The following CDH9 variants were observed in gnomAD, a reference collection of about 807,000 sequenced individuals.
CDH9 encodes the protein cadherin-9.
Under a neutral mutation model 70.9 loss-of-function variants are expected in CDH9, and 28 were observed. The observed-to-expected ratio is 0.40, with a 90% CI of 0.29 to 0.54. The LOEUF is 0.54. Ranked by LOEUF, CDH9 falls within the 20% of genes least tolerant of loss-of-function variation. The pLI, the probability that CDH9 is intolerant of heterozygous loss-of-function variation, is 0.59. For missense variants in CDH9, 874 were observed against 984.4 expected, an observed-to-expected ratio of 0.89 and a Z score of 1.50; for synonymous variants, 409 against 343.1, an observed-to-expected ratio of 1.19 and a Z score of -2.12.
In CDH9 at chr5:26,977,630, T is replaced by C. The variant is rs76542289; in HGVS notation, c.228+10476A>G. 1.7e-3 allele frequency among the ~76,000 whole-genome samples: 262 copies of C among 152,044 alleles called. 10 individuals carry two copies. The East Asian group carries it at 0.048, about 28-fold the overall frequency. Reference sequence around the variant, plus strand: ...TTCATTTCATGTGTCATGTAAAATATGAAGTTTAAGAATTAAGGGTCAGGA... The same window carrying C: ...TTCATTTCATGTGTCATGTAAAATACGAAGTTTAAGAATTAAGGGTCAGGA... On this transcript the variant is annotated intron_variant, in intron 2 of 11. Transcript: ENST00000231021.
intron 3 of CDH9, among the ~76,000 whole-genome samples, chr5:26,914,769 A>G (rs1741119432): frequency 6.6e-6 from 1 of 152,062 alleles, no homozygotes; most frequent in Non-Finnish European, 1.5e-5. Flanking sequence ...AAAATCATAC[A>G]CTGAAAACTG....
Position 26,988,150 on chromosome 5 carries a change from A to T in CDH9, c.184T>A (p.Leu62Ile). The stretch of plus-strand genomic sequence containing the variant: ...TCAGTACCTGTGTACTCTTCCAATA[A>T]GAAGAACTGATTCCACATCCAGCCA... ...KRGWMWNQFF[L>I]LEEYTGTDTQ... Residue 62 changes from leucine to isoleucine, a missense_variant, in exon 2 of 12, where the codon TTA becomes ATA. Leu to Ile is a conservative substitution (Grantham distance 5). Coordinates refer to ENST00000231021, the MANE Select transcript of CDH9 (RefSeq NM_016279.4). 3.7e-6 allele frequency: 6 copies of T among 1,613,218 alleles called. No homozygotes were observed. The highest frequency in any genetic ancestry group is 5.1e-6 in the Non-Finnish European group (6 of 1,179,486).
chr5:27,015,670 G>T (rs967453165), intron 1 of CDH9, among the ~76,000 whole-genome samples: 1 of 151,670 alleles, frequency 6.6e-6, no homozygotes, highest in Admixed American at 6.6e-5. Context: ...TATTAATAAT[G>T]ATTCCCAGAA....
intron 2 of CDH9, among the ~76,000 whole-genome samples, chr5:26,978,002 A>G (rs1316349551): frequency 6.6e-6 from 1 of 152,064 alleles, no homozygotes; most frequent in East Asian, 1.9e-4. Flanking sequence ...AAATTTCTAA[A>G]ACCAAACCTA....
At chr5:26,927,100 C>A (rs1163355819) in intron 2 of CDH9, among the ~76,000 whole-genome samples, 2 of 151,870 alleles carry the variant, frequency 1.3e-5, no homozygotes, top group African/African-American at 4.8e-5. Flanking sequence ...TGGTTCAGCA[C>A]ATGCAACCCC....
intron 1 of CDH9, among the ~76,000 whole-genome samples, chr5:27,036,881 G>C (rs140415064): frequency 6.6e-6 from 1 of 152,010 alleles, no homozygotes; most frequent in African/African-American, 2.4e-5. Flanking sequence ...ACAAACACAT[G>C]CTATTTATGT....
chr5:27,020,356 T>C (rs1159796696), intron 1 of CDH9, among the ~76,000 whole-genome samples: 3 of 151,646 alleles, frequency 2.0e-5, no homozygotes, highest in African/African-American at 7.2e-5. Context: ...ACTTCTTTTT[T>C]TCTGGAAACC....
At chr5:27,005,047 G>T (rs764969116) in intron 1 of CDH9, among the ~76,000 whole-genome samples, 14 of 152,082 alleles carry the variant, frequency 9.2e-5, no homozygotes, top group Admixed American at 3.9e-4. Context: ...GGGGAAAAAG[G>T]CACAGACATG....
chr5:26,991,922 T>C (rs1742585530), intron 1 of CDH9, among the ~76,000 whole-genome samples: 2 of 152,122 alleles, frequency 1.3e-5, no homozygotes, highest in Non-Finnish European at 1.5e-5. Flanking sequence ...TGGGCATAAT[T>C]AAAAATAGGG....
chr5:26,964,457 CG>C (rs1172510238), intron 2 of CDH9, among the ~76,000 whole-genome samples: 1 of 152,012 alleles, frequency 6.6e-6, no homozygotes, highest in Non-Finnish European at 1.5e-5. Context: ...TTAAGTGTGT[CG>C]ATTGACTGGT....
At chr5:26,986,505 T>A (rs944114961) in intron 2 of CDH9, among the ~76,000 whole-genome samples, 2 of 152,108 alleles carry the variant, frequency 1.3e-5, no homozygotes, top group African/African-American at 4.8e-5. Flanking sequence ...AGAAATTAAT[T>A]AATGTACACT....
intron 1 of CDH9, among the ~76,000 whole-genome samples, chr5:27,030,556 A>G (rs1297786418): frequency 2.0e-5 from 3 of 151,736 alleles, no homozygotes; most frequent in African/African-American, 7.2e-5. Context: ...ACTGAAGTCA[A>G]GAAACACAGG....
At chr5:26,910,571 T>C (rs1452266942) in intron 3 of CDH9, among the ~76,000 whole-genome samples, 2 of 152,166 alleles carry the variant, frequency 1.3e-5, no homozygotes, top group Admixed American at 6.6e-5. Flanking sequence ...GAGTGGTTGA[T>C]AGAATGGTAA....
intron 1 of CDH9, among the ~76,000 whole-genome samples, chr5:27,030,522 G>A (rs895696300): frequency 6.7e-6 from 1 of 148,502 alleles, no homozygotes. Context: ...AGAGAAGCAG[G>A]GATTAAAAAA....
At chr5:26,958,369 T>C (rs1198347989) in intron 2 of CDH9, among the ~76,000 whole-genome samples, 1 of 152,166 alleles carries the variant, frequency 6.6e-6, no homozygotes, top group African/African-American at 2.4e-5. Context: ...ATCAGAAACA[T>C]ATCTTACACA....
chr5:26,943,572 A>G (rs1319329710), intron 2 of CDH9, among the ~76,000 whole-genome samples: 1 of 151,888 alleles, frequency 6.6e-6, no homozygotes, highest in Non-Finnish European at 1.5e-5. Context: ...CAAGGAGAAT[A>G]TATCAGGATT....
intron 3 of CDH9, among the ~76,000 whole-genome samples, chr5:26,912,966 T>A (rs1741079094): frequency 6.6e-6 from 1 of 152,124 alleles, no homozygotes; most frequent in Non-Finnish European, 1.5e-5. Context: ...AAGCTCTCTT[T>A]CTTTGCCTGC....
intron 1 of CDH9, among the ~76,000 whole-genome samples, chr5:27,001,669 C>T (rs1363242393): frequency 6.6e-6 from 1 of 152,046 alleles, no homozygotes; most frequent in African/African-American, 2.4e-5. Context: ...CAATGTCATC[C>T]AGTACTAATG....
At chr5:26,966,767 T>C (rs989612295) in intron 2 of CDH9, among the ~76,000 whole-genome samples, 6 of 152,024 alleles carry the variant, frequency 3.9e-5, no homozygotes, top group Admixed American at 3.3e-4. Flanking sequence ...TTATACCCTT[T>C]TCTCATCTTC....
Sources: allele counts gnomAD v4.1 joint callset (sites outside exome capture counted in the v4.1 genomes callset), GRCh38; gene constraint gnomAD v4.1.1; transcripts MANE v1.5; gene names NCBI Gene and HGNC (gene_info 2026-07-23, HGNC 2026-07-21).